TMEM132D: variants seen among roughly 807,000 people sequenced by gnomAD.
TMEM132D encodes the protein mature OL transmembrane protein.
In TMEM132D, 21 loss-of-function variants were observed where a neutral mutation model predicts 62.3. The ratio of observed to expected loss-of-function variants is 0.34; its 90% CI spans 0.24 to 0.49. The LOEUF is 0.49. TMEM132D is among the 20% of genes least tolerant of loss of function. The probability of loss-of-function intolerance (pLI) is 0.99; values close to 1 mark genes in which losing one functional copy is unlikely to be tolerated. For missense variants in TMEM132D, 1,346 were observed against 1,402.8 expected, an observed-to-expected ratio of 0.96 and a Z score of 0.65; for synonymous variants, 621 against 575.6, an observed-to-expected ratio of 1.08 and a Z score of -1.13.
intron 2 of TMEM132D, among the ~76,000 whole-genome samples, chr12:129,587,569 C>T (rs1014788941): frequency 2.0e-5 from 3 of 152,132 alleles, no homozygotes; most frequent in African/African-American, 7.2e-5. Flanking sequence ...CTCCAGAGCC[C>T]TCAGGAAATG....
At chr12:129,567,338 C>A (rs1206252327) in intron 2 of TMEM132D, among the ~76,000 whole-genome samples, 2 of 151,948 alleles carry the variant, frequency 1.3e-5, no homozygotes, top group African/African-American at 2.4e-5. Flanking sequence ...GATACAAGAA[C>A]CATTCAAAAT....
intron 5 of TMEM132D, among the ~76,000 whole-genome samples, chr12:129,171,697 T>G (rs1327891488): frequency 2.0e-5 from 3 of 152,218 alleles, no homozygotes; most frequent in Non-Finnish European, 2.9e-5. Context: ...TCTTGGGCGA[T>G]GAGGTGCATT....
rs77474020 is a variant in TMEM132D, at chr12:129,372,153, C to T, written c.1116-34336G>A. 4.3e-3 allele frequency among the ~76,000 whole-genome samples: 651 copies of T among 152,326 alleles called. 5 individuals are homozygous for T. The highest frequency in any genetic ancestry group is 0.015 in the African/African-American group (625 of 41,568). ...TCCAAAGCTGGAAATGCCAAGGAAACAGATTCTTCCTCAGAGCCTCTACAA... is the reference window on the plus strand; with the variant it reads ...TCCAAAGCTGGAAATGCCAAGGAAATAGATTCTTCCTCAGAGCCTCTACAA... On this transcript the variant is annotated intron_variant, in intron 3 of 8. Transcript: ENST00000422113.
intron 1 of TMEM132D, among the ~76,000 whole-genome samples, chr12:129,809,306 TC>T (rs1159784107): frequency 1.5e-4 from 6 of 40,632 alleles, no homozygotes; most frequent in Admixed American, 2.9e-4. Flanking sequence ...AGACTCCATA[TC>T]AAAAAAAAAA....
chr12:129,483,389 G>A (rs1407743271), intron 3 of TMEM132D, among the ~76,000 whole-genome samples: 5 of 152,168 alleles, frequency 3.3e-5, no homozygotes, highest in African/African-American at 1.2e-4. Flanking sequence ...GAAAAACACT[G>A]ATTCTAACAC....
At chr12:129,557,672 C>T (rs1456268291) in intron 2 of TMEM132D, among the ~76,000 whole-genome samples, 2 of 152,178 alleles carry the variant, frequency 1.3e-5, no homozygotes, top group African/African-American at 2.4e-5. Flanking sequence ...GCTGTGATCA[C>T]ACCATTGCAC....
intron 4 of TMEM132D, among the ~76,000 whole-genome samples, chr12:129,230,917 A>G (rs1029294856): frequency 2.6e-5 from 4 of 152,210 alleles, no homozygotes; most frequent in Non-Finnish European, 5.9e-5. Context: ...ACTGTGCTCA[A>G]TGTACTGCAA....
chr12:129,271,345 A>C (rs1186142850), intron 4 of TMEM132D, among the ~76,000 whole-genome samples: 1 of 151,478 alleles, frequency 6.6e-6, no homozygotes, highest in African/African-American at 2.4e-5. Flanking sequence ...GAAATCTTAG[A>C]CCTCTCCTAT....
chr12:129,477,616 C>T (rs977720193), intron 3 of TMEM132D, among the ~76,000 whole-genome samples: 1 of 151,968 alleles, frequency 6.6e-6, no homozygotes, highest in Admixed American at 6.6e-5. Context: ...GTCAGGAGAT[C>T]GAGACCATCC....
At chr12:129,459,456 C>T (rs1873587386) in intron 3 of TMEM132D, among the ~76,000 whole-genome samples, 1 of 152,244 alleles carries the variant, frequency 6.6e-6, no homozygotes, top group Admixed American at 6.5e-5. Flanking sequence ...CAGAGCCTTT[C>T]TCTCCTGAAG....
chr12:129,692,681 G>A (rs1479226659), intron 2 of TMEM132D, among the ~76,000 whole-genome samples: 1 of 152,182 alleles, frequency 6.6e-6, no homozygotes, highest in African/African-American at 2.4e-5. Context: ...CAAGAAATGA[G>A]AGCATATCCT....
intron 3 of TMEM132D, among the ~76,000 whole-genome samples, chr12:129,410,961 AT>A (rs1158226981): frequency 6.7e-6 from 1 of 149,054 alleles, no homozygotes; most frequent in African/African-American, 2.5e-5. Context: ...TAGGTTTTCA[AT>A]TTTTTTAAGT....
Position 129,083,617 on chromosome 12 carries a change from A to C in TMEM132D, c.1649+880T>G, listed in dbSNP as rs181933968. 5.3e-5 allele frequency among the ~76,000 whole-genome samples: 8 copies of C among 152,316 alleles called. No homozygotes were observed. In the East Asian group the frequency reaches 1.5e-3, roughly 29 times the overall value. On this transcript the variant is annotated intron_variant, in intron 6 of 8. Coordinates refer to ENST00000422113, the MANE Select transcript of TMEM132D (RefSeq NM_133448.3). ...CCCTCTCCCAGGGGCCATGGGACCA[A>C]AGGAATGAGCTTGCAAGGAAGGGAA...
chr12:129,421,369 A>G (rs7133162), intron 3 of TMEM132D, among the ~76,000 whole-genome samples: 107,324 of 152,076 alleles, frequency 0.71, 37,958 homozygotes, highest in East Asian at 0.76. Flanking sequence ...TTCACAAATC[A>G]GCTACACTAA....
chr12:129,572,573 T>A (rs1008303807), intron 2 of TMEM132D, among the ~76,000 whole-genome samples: 14 of 152,268 alleles, frequency 9.2e-5, no homozygotes, highest in African/African-American at 3.1e-4. Flanking sequence ...CTCAGCCTCC[T>A]GAGTAGCTGG....
rs146945178 is a variant in TMEM132D, at chr12:129,387,794, A to G, written c.1116-49977T>C. ...ACACCAACACCAATCCAGCACTGAC[A>G]ATAATATGAACACTAACACGAATCC... is the stretch of plus-strand genomic sequence containing the variant. On this transcript the variant is annotated intron_variant, in intron 3 of 8. Transcript: ENST00000422113. 4.3e-3 allele frequency among the ~76,000 whole-genome samples: 631 copies of G among 145,622 alleles called. 6 individuals are homozygous for G. Among genetic ancestry groups the G allele is most frequent in the Non-Finnish European group, 5.4e-3 (358 of 65,998 alleles).
At chr12:129,215,617 G>T (rs1879178575) in intron 4 of TMEM132D, among the ~76,000 whole-genome samples, 1 of 152,218 alleles carries the variant, frequency 6.6e-6, no homozygotes, top group African/African-American at 2.4e-5. Context: ...CTCAAAGGTG[G>T]TGGTATGTGG....
intron 3 of TMEM132D, among the ~76,000 whole-genome samples, chr12:129,436,080 G>A (rs1219267511): frequency 6.6e-6 from 1 of 152,136 alleles, no homozygotes; most frequent in African/African-American, 2.4e-5. Flanking sequence ...TGTCTGAAGT[G>A]CAGCTGTGAG....
rs903607215 is a variant in TMEM132D, at chr12:129,306,840, T to A, written c.1299+30794A>T. ...AGCAAATCTAGACAACAATGAGAAC[T>A]CCAGGACCAGGTTAGGGCACTAAAG... On this transcript the variant is annotated intron_variant, in intron 4 of 8. Transcript: ENST00000422113. 4.6e-5 allele frequency among the ~76,000 whole-genome samples: 7 copies of A among 152,242 alleles called. 1 individual carries two copies. The Middle Eastern group carries it at 0.014, about 298-fold the overall frequency.
Sources: gnomAD v4.1 joint callset for allele counts (sites outside exome capture counted in the v4.1 genomes callset) on GRCh38, gnomAD v4.1.1 for gene constraint, MANE v1.5 for transcripts, NCBI Gene and HGNC (gene_info 2026-07-23, HGNC 2026-07-21) for gene names.